The following SLIT1 variants were observed in gnomAD, a reference collection of about 807,000 sequenced individuals.
The protein encoded by SLIT1 is slit homolog 1 protein.
SLIT1 carries 66 observed loss-of-function variants against 186.1 expected under a neutral mutation model. The observed-to-expected ratio is 0.35, with a 90% CI of 0.29 to 0.44. SLIT1 has a LOEUF of 0.44. Among genes scored for constraint, SLIT1 ranks in the 20% least tolerant of loss-of-function variants. The probability of loss-of-function intolerance (pLI) is 1.00; values close to 1 mark genes in which losing one functional copy is unlikely to be tolerated. For synonymous variants in SLIT1, 761 were observed against 833.8 expected (o/e 0.91, Z 1.50); for missense variants, 1,638 against 2,037.4 (o/e 0.80, Z 3.77).
intron 1 of SLIT1, among the ~76,000 whole-genome samples, chr10:97,177,856 A>T (rs994844202): frequency 1.3e-5 from 2 of 152,116 alleles, no homozygotes; most frequent in African/African-American, 4.8e-5. Flanking sequence ...GGTGCCTGTA[A>T]TCTTAGCTAC....
At chr10:97,163,580 A>AT (rs1446157950) in intron 2 of SLIT1, 129 bp from the exon 3 acceptor site, 2 of 775,026 alleles carry the variant, frequency 2.6e-6, no homozygotes, top group African/African-American at 3.4e-5. Context: ...GACAGGAGCC[A>AT]TGCCCAAGCC....
chr10:97,148,562 G>T (rs1310629356), intron 4 of SLIT1, among the ~76,000 whole-genome samples: 1 of 152,120 alleles, frequency 6.6e-6, no homozygotes, highest in African/African-American at 2.4e-5. Flanking sequence ...TTATAAGCGT[G>T]AGCCACCATG....
chr10:97,132,087 G>A (rs1026692018), intron 4 of SLIT1, among the ~76,000 whole-genome samples: 3 of 152,184 alleles, frequency 2.0e-5, no homozygotes, highest in South Asian at 4.1e-4. Flanking sequence ...AAGCCCTGTG[G>A]CTGCATGCCC....
chr10:97,060,538 G>A lies in SLIT1; in HGVS notation c.941+102C>T, dbSNP rs1848883488. On this transcript the variant is annotated intron_variant, in intron 9 of 36. Transcript: ENST00000266058. ...CTTCTCTACGGCCACTGAGGGGTTGGGGCAAGCCCTGAGGCAGCGCCTACT... is the reference window on the plus strand; with the variant it reads ...CTTCTCTACGGCCACTGAGGGGTTGAGGCAAGCCCTGAGGCAGCGCCTACT... 3.5e-6 allele frequency: 5 copies of A among 1,436,630 alleles called. No homozygotes were observed. In the East Asian group the frequency reaches 1.2e-4, roughly 33 times the overall value. The allele number at this position is 1,436,630 out of a possible 1,614,324, so 89.0% of individuals were successfully genotyped here.
At position 97,043,512 on chromosome 10, in the gene SLIT1, T is replaced by A; in HGVS notation, c.1855A>T (p.Met619Leu). Residue 619 changes from methionine to leucine, a missense_variant and splice_region_variant, in exon 19 of 37, where the codon ATG becomes TTG. Coordinates refer to ENST00000266058, the MANE Select transcript of SLIT1 (RefSeq NM_003061.3). This position sits in a 1 kb window ranked among gnomAD's most constrained non-coding sequence, Gnocchi z 7.0. Reference protein sequence around the residue: ...FRGLDGLRTLMLRNNRISCIH... With the variant: ...FRGLDGLRTLLLRNNRISCIH... ...CAGCTGATGCGGTTGTTCCGCAGCA[T>A]TCTGGGGAGGAACGGGGGAGGGAGG... is the stretch of plus-strand genomic sequence containing the variant. 1 of 1,613,172 alleles carries A rather than the reference T, an allele frequency of 6.2e-7. No individual in the cohort carries two copies. Among genetic ancestry groups the A allele is most frequent in the South Asian group, 1.1e-5 (1 of 91,020 alleles).
At chr10:97,080,384 G>A (rs559991879) in intron 4 of SLIT1, among the ~76,000 whole-genome samples, 6 of 152,196 alleles carry the variant, frequency 3.9e-5, no homozygotes, top group South Asian at 2.1e-4. Context: ...CATCCCCAGC[G>A]GGGGCCCAAG....
rs140132468 is a variant in SLIT1, at chr10:97,164,167, G to A, written c.269+652C>T. ...TTTTCACCAACAGATTGACTGTTGC[G>A]TGATAACTTTTGAGATAGTCAAGTG... On this transcript the variant is annotated intron_variant, in intron 2 of 36. Transcript: ENST00000266058. Among the ~76,000 whole-genome samples, 129 of 152,348 alleles carry A rather than the reference G, an allele frequency of 8.5e-4. 1 individual carries two copies. The East Asian group carries it at 0.016, about 19-fold the overall frequency.
chr10:97,097,530 A>C (rs998265204), intron 4 of SLIT1, among the ~76,000 whole-genome samples: 2 of 152,224 alleles, frequency 1.3e-5, no homozygotes, highest in Non-Finnish European at 2.9e-5. Flanking sequence ...TAGCTGTTAA[A>C]AGCATAGAAA....
At chr10:97,142,985 G>C (rs1564686872) in intron 4 of SLIT1, among the ~76,000 whole-genome samples, 2 of 152,176 alleles carry the variant, frequency 1.3e-5, no homozygotes, top group African/African-American at 4.8e-5. Flanking sequence ...AAAATAACAA[G>C]TGTTGGCAAG....
intron 31 of SLIT1, among the ~76,000 whole-genome samples, chr10:97,007,418 G>T (rs1218567830): frequency 6.6e-6 from 1 of 151,908 alleles, no homozygotes; most frequent in Admixed American, 6.6e-5. Context: ...AAAAATGAGG[G>T]AACACTTTCT....
intron 4 of SLIT1, among the ~76,000 whole-genome samples, chr10:97,077,755 A>C (rs1032513971): frequency 4.6e-5 from 7 of 152,152 alleles, no homozygotes; most frequent in African/African-American, 4.8e-5. Context: ...GAGAATGATA[A>C]GATTCACGGA....
chr10:97,049,206 G>A, intron 13 of SLIT1, 88 bp from the exon 14 acceptor site: 1 of 1,459,418 alleles, frequency 6.9e-7, no homozygotes, highest in Non-Finnish European at 9.2e-7. Context: ...TTGTGGCTGG[G>A]GCCAAGGAGG....
intron 1 of SLIT1, among the ~76,000 whole-genome samples, chr10:97,179,863 T>C (rs1850310734): frequency 6.8e-6 from 1 of 147,542 alleles, no homozygotes; most frequent in Non-Finnish European, 1.5e-5. Context: ...TCATCTGCTC[T>C]GGGTAATAAG....
intron 4 of SLIT1, among the ~76,000 whole-genome samples, chr10:97,090,202 C>T (rs1023276617): frequency 2.0e-5 from 3 of 152,084 alleles, no homozygotes; most frequent in African/African-American, 7.2e-5. Flanking sequence ...GGAGGAGTGC[C>T]GTGAAGGAAA....
chr10:97,166,618 A>AGG (rs1850120448), intron 1 of SLIT1, among the ~76,000 whole-genome samples: 1 of 66,678 alleles, frequency 1.5e-5, no homozygotes, highest in Non-Finnish European at 2.9e-5. Context: ...AAAGAAAGAA[A>AGG]GAAAGAGAAA....
chr10:97,178,369 T>A (rs1850284323), intron 1 of SLIT1, among the ~76,000 whole-genome samples: 1 of 152,150 alleles, frequency 6.6e-6, no homozygotes, highest in Non-Finnish European at 1.5e-5. Context: ...AATGTAATTG[T>A]GAGGAAAGAT....
chr10:97,050,493 G>T (rs1848777312), intron 13 of SLIT1, among the ~76,000 whole-genome samples: 1 of 152,146 alleles, frequency 6.6e-6, no homozygotes, highest in Non-Finnish European at 1.5e-5. Flanking sequence ...GCTCCTCTCA[G>T]CTCCACCAGG....
intron 4 of SLIT1, among the ~76,000 whole-genome samples, chr10:97,077,020 CT>C (rs1272123957): frequency 6.6e-6 from 1 of 152,100 alleles, no homozygotes; most frequent in East Asian, 1.9e-4. Flanking sequence ...AATTTCAGCA[CT>C]TTGGCAGGCT....
At chr10:97,140,372 T>C (rs1405957345) in intron 4 of SLIT1, among the ~76,000 whole-genome samples, 1 of 152,130 alleles carries the variant, frequency 6.6e-6, no homozygotes, top group South Asian at 2.1e-4. Flanking sequence ...CTTCGAATTG[T>C]GAAATATTTC....
Sources: gnomAD v4.1 joint callset for allele counts (sites outside exome capture counted in the v4.1 genomes callset) on GRCh38, gnomAD v4.1.1 for gene constraint, Gnocchi (gnomAD v3.1) non-coding constraint, MANE v1.5 for transcripts, NCBI Gene and HGNC (gene_info 2026-07-23, HGNC 2026-07-21) for gene names.